GRIN2A: variants seen among roughly 807,000 people sequenced by gnomAD.
GRIN2A encodes glutamate receptor ionotropic, NMDA 2A.
A neutral mutation model predicts 113.4 loss-of-function variants in GRIN2A; 22 were observed. That is an observed-to-expected ratio of 0.19 (90% confidence interval 0.14 to 0.28). GRIN2A has a LOEUF of 0.28. Ranked by LOEUF, GRIN2A falls within the 10% of genes least tolerant of loss-of-function variation. GRIN2A has a pLI of 1.00. For synonymous variants in GRIN2A, 827 were observed against 738.4 expected (o/e 1.12, Z -1.94); for missense variants, 1,502 against 1,887.0 (o/e 0.80, Z 3.78).
chr16:9,920,135 T>C (rs1013295858), intron 3 of GRIN2A, among the ~76,000 whole-genome samples: 2 of 152,224 alleles, frequency 1.3e-5, no homozygotes, highest in Non-Finnish European at 2.9e-5. Context: ...TGCGTGACTG[T>C]GTGTGTCTCA....
At chr16:10,039,773 AGGGAGGGGGAGGGGGAGG>A (rs1159228270) in intron 2 of GRIN2A, among the ~76,000 whole-genome samples, 1 of 31,030 alleles carries the variant, frequency 3.2e-5, no homozygotes. Context: ...AGGGAGGGAG[AGGGAGGGGGAGGGGGAGG>A]GGGAGGGGGA....
At chr16:10,122,079 C>A (rs55941845) in intron 2 of GRIN2A, among the ~76,000 whole-genome samples, 99,786 of 151,708 alleles carry the variant, frequency 0.66, 33,048 homozygotes, top group Admixed American at 0.71. Context: ...TATTCAGCGC[C>A]CTTCTGGGCA....
chr16:9,824,474 G>T (rs1221641019), intron 9 of GRIN2A, among the ~76,000 whole-genome samples: 1 of 152,132 alleles, frequency 6.6e-6, no homozygotes, highest in African/African-American at 2.4e-5. Flanking sequence ...TTCACTCCCC[G>T]TCTGTTGCAG....
At chr16:10,172,820 A>T (rs2036311502) in intron 2 of GRIN2A, among the ~76,000 whole-genome samples, 1 of 152,252 alleles carries the variant, frequency 6.6e-6, no homozygotes, top group Non-Finnish European at 1.5e-5. Flanking sequence ...CAAACAAAAG[A>T]CACCAATTAA....
chr16:10,137,111 C>A (rs954336416), intron 2 of GRIN2A, among the ~76,000 whole-genome samples: 2 of 152,172 alleles, frequency 1.3e-5, no homozygotes, highest in African/African-American at 4.8e-5. Flanking sequence ...CTTCACTCCC[C>A]CTGCAGGTGG....
At chr16:9,988,872 C>A (rs775287190) in intron 2 of GRIN2A, among the ~76,000 whole-genome samples, 17 of 152,126 alleles carry the variant, frequency 1.1e-4, no homozygotes, top group Admixed American at 2.6e-4. Context: ...CAGAACAGAA[C>A]CATGATAACC....
At chr16:10,140,536 G>T (rs1463315148) in intron 2 of GRIN2A, among the ~76,000 whole-genome samples, 2 of 152,114 alleles carry the variant, frequency 1.3e-5, no homozygotes, top group Admixed American at 6.5e-5. Context: ...GAGATCTTTG[G>T]TTTTCTCTAG....
intron 2 of GRIN2A, among the ~76,000 whole-genome samples, chr16:9,942,230 T>C (rs1191441504): frequency 6.6e-6 from 1 of 152,162 alleles, no homozygotes; most frequent in African/African-American, 2.4e-5. Context: ...CCCTGCTCTA[T>C]AGTCATCAAT....
chr16:10,050,678 T>TA (rs2047343569), intron 2 of GRIN2A, among the ~76,000 whole-genome samples: 1 of 152,008 alleles, frequency 6.6e-6, no homozygotes, highest in South Asian at 2.1e-4. Flanking sequence ...ATAATAGAAA[T>TA]AAAGTACACA....
chr16:9,930,230 T>G (rs1303721861), intron 3 of GRIN2A, among the ~76,000 whole-genome samples: 1 of 152,088 alleles, frequency 6.6e-6, no homozygotes, highest in Non-Finnish European at 1.5e-5. Context: ...ACCTGTAGAG[T>G]GCCGACTATA....
intron 3 of GRIN2A, among the ~76,000 whole-genome samples, chr16:9,920,599 G>A (rs1369955137): frequency 7.0e-6 from 1 of 142,350 alleles, no homozygotes. Context: ...AGTCTTGCTT[G>A]CTCTGTCACC....
At chr16:10,100,086 A>AG (rs1446413875) in intron 2 of GRIN2A, among the ~76,000 whole-genome samples, 1 of 152,202 alleles carries the variant, frequency 6.6e-6, no homozygotes, top group African/African-American at 2.4e-5. Flanking sequence ...AGACAGGTGA[A>AG]GGGGGGACAT....
chr16:10,061,428 C>T (rs553619270), intron 2 of GRIN2A, among the ~76,000 whole-genome samples: 8 of 152,230 alleles, frequency 5.3e-5, no homozygotes, highest in Admixed American at 3.9e-4. Flanking sequence ...TGCACCTGCC[C>T]GAATACTAAA....
intron 3 of GRIN2A, among the ~76,000 whole-genome samples, chr16:9,929,710 A>G (rs771419551): frequency 6.6e-6 from 1 of 152,228 alleles, no homozygotes; most frequent in African/African-American, 2.4e-5. Flanking sequence ...ACAAATAATT[A>G]GCACATGTCA....
intron 2 of GRIN2A, among the ~76,000 whole-genome samples, chr16:9,943,503 G>C (rs1288605891): frequency 6.6e-6 from 1 of 152,166 alleles, no homozygotes; most frequent in Non-Finnish European, 1.5e-5. Flanking sequence ...GGGTACCAAA[G>C]CCTGGTGTTT....
intron 2 of GRIN2A, among the ~76,000 whole-genome samples, chr16:9,940,366 AT>A (rs1159614801): frequency 6.6e-6 from 1 of 152,200 alleles, no homozygotes; most frequent in African/African-American, 2.4e-5. Context: ...ACCTAATTAA[AT>A]TAATTAAAGT....
intron 2 of GRIN2A, among the ~76,000 whole-genome samples, chr16:10,042,548 C>T (rs2047184319): frequency 6.6e-6 from 1 of 152,096 alleles, no homozygotes; most frequent in Non-Finnish European, 1.5e-5. Context: ...GGCAAGAATC[C>T]CCCAACTAAG....
At chr16:10,107,593 A>G (rs2048523757) in intron 2 of GRIN2A, among the ~76,000 whole-genome samples, 1 of 152,224 alleles carries the variant, frequency 6.6e-6, no homozygotes, top group African/African-American at 2.4e-5. Flanking sequence ...AGGAAGTTAG[A>G]CACGCTTCTG....
intron 3 of GRIN2A, among the ~76,000 whole-genome samples, chr16:9,917,861 A>T (rs2044281714): frequency 6.6e-6 from 1 of 152,146 alleles, no homozygotes; most frequent in Non-Finnish European, 1.5e-5. Flanking sequence ...TCTTAATGAG[A>T]CTGTCGTTGT....
Sources: gnomAD v4.1 joint callset for allele counts (sites outside exome capture counted in the v4.1 genomes callset) on GRCh38, gnomAD v4.1.1 for gene constraint, MANE v1.5 for transcripts, NCBI Gene and HGNC (gene_info 2026-07-23, HGNC 2026-07-21) for gene names.